The following NAALADL2 variants were observed in gnomAD, a reference collection of about 807,000 sequenced individuals.
NAALADL2 encodes inactive N-acetylated-alpha-linked acidic dipeptidase-like protein 2.
A neutral mutation model predicts 87.2 loss-of-function variants in NAALADL2; 76 were observed. That is an observed-to-expected ratio of 0.87 (90% CI 0.72 to 1.05). The LOEUF (loss-of-function observed/expected upper bound fraction) is 1.05, where lower values mean the gene tolerates loss of function less well. Ranked by LOEUF, NAALADL2 falls within the 50% of genes least tolerant of loss-of-function variation. NAALADL2 has a pLI of 0.00. For synonymous variants in NAALADL2, 354 were observed against 331.0 expected, an observed-to-expected ratio of 1.07 and a Z score of -0.75; for missense variants, 1,089 against 945.8, an observed-to-expected ratio of 1.15 and a Z score of -1.99.
intron 1 of NAALADL2, among the ~76,000 whole-genome samples, chr3:175,015,867 T>C (rs991971017): frequency 1.1e-4 from 16 of 152,052 alleles, no homozygotes; most frequent in African/African-American, 3.9e-4. Flanking sequence ...TAAAACACCA[T>C]ATCAAAATAT....
chr3:174,622,863 AC>A, intron 2 of NAALADL2, among the ~76,000 whole-genome samples: 1 of 151,314 alleles, frequency 6.6e-6, no homozygotes, highest in Non-Finnish European at 1.5e-5. Flanking sequence ...ACTTGGTGAA[AC>A]CCCGCCTCTA....
intron 2 of NAALADL2, among the ~76,000 whole-genome samples, chr3:175,101,361 A>G (rs1722135661): frequency 6.6e-6 from 1 of 152,198 alleles, no homozygotes; most frequent in Non-Finnish European, 1.5e-5. Context: ...CTTGTCCCTA[A>G]TCTAATCAGC....
At chr3:175,127,929 AATAG>A (rs1727216504) in intron 2 of NAALADL2, among the ~76,000 whole-genome samples, 1 of 152,186 alleles carries the variant, frequency 6.6e-6, no homozygotes, top group African/African-American at 2.4e-5. Flanking sequence ...AAATATTAAT[AATAG>A]ATGTGATATA....
chr3:175,132,253 G>A (rs1580618804), intron 2 of NAALADL2, among the ~76,000 whole-genome samples: 1 of 36,778 alleles, frequency 2.7e-5, no homozygotes, highest in African/African-American at 2.0e-4. Context: ...GCGGCTGGCC[G>A]GGCGGGGGGC....
intron 4 of NAALADL2, among the ~76,000 whole-genome samples, chr3:175,312,354 A>T (rs1438231618): frequency 6.6e-6 from 1 of 152,056 alleles, no homozygotes; most frequent in African/African-American, 2.4e-5. Context: ...TTTTTATGTT[A>T]CTATACGTAT....
intron 10 of NAALADL2, among the ~76,000 whole-genome samples, chr3:175,622,317 T>C (rs1255336462): frequency 6.6e-6 from 1 of 152,166 alleles, no homozygotes; most frequent in African/African-American, 2.4e-5. Context: ...TCTGTGCCTC[T>C]ATTCATTCAA....
intron 3 of NAALADL2, among the ~76,000 whole-genome samples, chr3:174,746,409 C>T (rs115041540): frequency 0.074 from 11,300 of 152,072 alleles, 455 homozygotes; most frequent in Middle Eastern, 0.14. Context: ...TACTACAAAC[C>T]ACTGCTCAAG....
chr3:174,604,208 T>C (rs1407440692), intron 2 of NAALADL2, among the ~76,000 whole-genome samples: 1 of 152,190 alleles, frequency 6.6e-6, no homozygotes, highest in Non-Finnish European at 1.5e-5. Context: ...TATTTCTCTT[T>C]AGCTCTAATA....
chr3:174,964,217 G>C (rs1742549034), intron 1 of NAALADL2, among the ~76,000 whole-genome samples: 1 of 151,974 alleles, frequency 6.6e-6, no homozygotes, highest in South Asian at 2.1e-4. Context: ...CCTTTACCTA[G>C]CGCTGGTATG....
At chr3:174,798,056 C>T (rs1718351735) in intron 3 of NAALADL2, among the ~76,000 whole-genome samples, 1 of 152,144 alleles carries the variant, frequency 6.6e-6, no homozygotes, top group Admixed American at 6.5e-5. Flanking sequence ...GGAAGACCAA[C>T]TGTGTTCTCT....
chr3:175,019,969 A>G (rs1044699835), intron 1 of NAALADL2, among the ~76,000 whole-genome samples: 4 of 152,146 alleles, frequency 2.6e-5, no homozygotes, highest in Admixed American at 2.6e-4. Flanking sequence ...GATCTTTATG[A>G]CAACAGGAAC....
intron 11 of NAALADL2, among the ~76,000 whole-genome samples, chr3:175,684,334 C>A (rs1735988791): frequency 6.6e-6 from 1 of 152,102 alleles, no homozygotes; most frequent in South Asian, 2.1e-4. Flanking sequence ...CTATTTTTAA[C>A]TTAAATAATA....
chr3:174,824,024 C>A (rs567618119), intron 3 of NAALADL2, among the ~76,000 whole-genome samples: 2 of 152,226 alleles, frequency 1.3e-5, no homozygotes, highest in Admixed American at 1.3e-4. Context: ...ATTTTTAACA[C>A]CTCCTATTAT....
At chr3:175,196,075 T>C (rs140637918) in intron 2 of NAALADL2, among the ~76,000 whole-genome samples, 3,139 of 152,020 alleles carry the variant, frequency 0.021, 103 homozygotes, top group African/African-American at 0.07. Flanking sequence ...TGTCCCTTAC[T>C]GGCAAGGTAC....
chr3:175,032,753 T>C (rs1319615611), intron 1 of NAALADL2, among the ~76,000 whole-genome samples: 3 of 152,116 alleles, frequency 2.0e-5, no homozygotes, highest in Non-Finnish European at 4.4e-5. Flanking sequence ...TTCCATATTT[T>C]TCTCCATAGC....
At chr3:174,533,693 A>G (rs1208525761) in intron 1 of NAALADL2, among the ~76,000 whole-genome samples, 3 of 151,970 alleles carry the variant, frequency 2.0e-5, no homozygotes, top group African/African-American at 7.2e-5. Flanking sequence ...AGTGTATGTC[A>G]CTTAAAGCTC....
At chr3:175,747,694 T>C (rs934838861) in intron 12 of NAALADL2, among the ~76,000 whole-genome samples, 1 of 152,114 alleles carries the variant, frequency 6.6e-6, no homozygotes, top group Non-Finnish European at 1.5e-5. Context: ...TAGACTCACA[T>C]GTGATATTAA....
chr3:175,347,020 G>A (rs10936845), intron 5 of NAALADL2, among the ~76,000 whole-genome samples: 22,038 of 152,148 alleles, frequency 0.14, 2,441 homozygotes, highest in African/African-American at 0.31. Context: ...GGATGAGGAA[G>A]ATAAGGTGCA....
intron 2 of NAALADL2, among the ~76,000 whole-genome samples, chr3:174,599,865 G>A (rs971906261): frequency 1.3e-5 from 2 of 152,012 alleles, no homozygotes; most frequent in Non-Finnish European, 2.9e-5. Context: ...TCAATTTTTA[G>A]GCAGTTTTTA....
Sources: allele counts gnomAD v4.1 joint callset (sites outside exome capture counted in the v4.1 genomes callset), GRCh38; gene constraint gnomAD v4.1.1; transcripts MANE v1.5; gene names NCBI Gene and HGNC (gene_info 2026-07-23, HGNC 2026-07-21).